ACOT1: variants seen among roughly 807,000 people sequenced by gnomAD.
ACOT1 encodes acyl-CoA thioesterase 1, also known as acyl-coenzyme A thioesterase 1.
In ACOT1, 8 loss-of-function variants were observed where a neutral mutation model predicts 15.7. The ratio of observed to expected loss-of-function variants is 0.51; its 90% CI spans 0.30 to 0.92. The LOEUF (loss-of-function observed/expected upper bound fraction) is 0.92, where lower values mean the gene tolerates loss of function less well. ACOT1 is among the 40% of genes least tolerant of loss of function. ACOT1 has a pLI of 0.06. For synonymous variants in ACOT1, 67 were observed against 241.2 expected, an observed-to-expected ratio of 0.28 and a Z score of 6.69; for missense variants, 151 against 539.4, an observed-to-expected ratio of 0.28 and a Z score of 7.13.
the ACOT1 span, among the ~76,000 whole-genome samples, chr14:73,523,423 T>C: frequency 6.6e-6 from 1 of 152,246 alleles, no homozygotes; most frequent in African/African-American, 2.4e-5. Flanking sequence ...TTGGTTCTTA[T>C]ACTTGTTCCC....
At chr14:73,492,603 G>A in the ACOT1 span, 1 of 1,613,812 alleles carries the variant, frequency 6.2e-7, no homozygotes, top group African/African-American at 1.3e-5. The surrounding 1 kb of genome is among the most constrained non-coding windows in gnomAD (Gnocchi z 4.9). Context: ...CTTCCAATTC[G>A]CTGGGAGGCT....
At chr14:73,527,350 A>T in the ACOT1 span, 1 of 152,112 alleles carries the variant, frequency 6.6e-6, no homozygotes, top group African/African-American at 2.4e-5. Context: ...GAGATATGTG[A>T]CCTTTCCAGA....
the ACOT1 span, among the ~76,000 whole-genome samples, chr14:73,505,428 G>T: frequency 1.3e-5 from 2 of 151,102 alleles, no homozygotes; most frequent in East Asian, 3.9e-4. Flanking sequence ...ACAGAGTCTC[G>T]CACTGTCGCC....
chr14:73,490,979 CCCGG>C, the ACOT1 span: 131 of 1,321,278 alleles, frequency 9.9e-5, 1 homozygote, highest in Non-Finnish European at 1.2e-4. Context: ...TAGCTTCGCC[CCCGG>C]CCGGCCGGGC....
the ACOT1 span, chr14:73,506,660 A>G: frequency 0.17 from 166,626 of 953,632 alleles, 18,075 homozygotes; most frequent in Non-Finnish European, 0.22. Context: ...GGCATCCTGC[A>G]TAATTAATGT....
chr14:73,511,209 C>T, the ACOT1 span, among the ~76,000 whole-genome samples: 265 of 152,062 alleles, frequency 1.7e-3, 1 homozygote, highest in African/African-American at 6.0e-3. Context: ...CAGCTAAGCC[C>T]GTGAATCATA....
At chr14:73,491,649 C>A in the ACOT1 span, 1 of 1,549,654 alleles carries the variant, frequency 6.5e-7, no homozygotes, top group South Asian at 1.2e-5. Flanking sequence ...TGGCTCATCG[C>A]GCCCATGCCG....
chr14:73,493,247 T>C, the ACOT1 span: 1 of 775,150 alleles, frequency 1.3e-6, no homozygotes, highest in Non-Finnish European at 2.2e-6. Context: ...GACCATGTCG[T>C]TCTGCTTGAG....
chr14:73,500,799 A>C, the ACOT1 span: 6 of 1,411,146 alleles, frequency 4.3e-6, no homozygotes, highest in East Asian at 2.3e-5. Flanking sequence ...ACCCCCACTA[A>C]TGCCCTCATG....
At chr14:73,492,743 G>A in the ACOT1 span, 1 of 1,613,984 alleles carries the variant, frequency 6.2e-7, no homozygotes, top group Non-Finnish European at 8.5e-7. The surrounding 1 kb of genome is among the most constrained non-coding windows in gnomAD (Gnocchi z 4.9). Flanking sequence ...AAACTCCCGT[G>A]TGTATCATCT....
At chr14:73,532,641 G>A (rs1247499706), upstream of ACOT1, among the ~76,000 whole-genome samples, 1 of 115,300 alleles carries the variant, frequency 8.7e-6, no homozygotes, top group Non-Finnish European at 1.9e-5. Context: ...AAGAGCGAGA[G>A]GGTACGTTTT....
At chr14:73,536,728 A>G (rs1470017416), upstream of ACOT1, among the ~76,000 whole-genome samples, 1 of 113,484 alleles carries the variant, frequency 8.8e-6, no homozygotes, top group African/African-American at 2.9e-5. Flanking sequence ...CTATTTTTAC[A>G]CCTGTAAGGA....
chr14:73,500,224 C>T, the ACOT1 span, among the ~76,000 whole-genome samples: 10 of 151,564 alleles, frequency 6.6e-5, no homozygotes, highest in South Asian at 2.1e-4. Flanking sequence ...AGCGAGACTC[C>T]GTCTCAAAAC....
the ACOT1 span, among the ~76,000 whole-genome samples, chr14:73,527,000 G>A: frequency 9.2e-5 from 14 of 152,114 alleles, no homozygotes; most frequent in African/African-American, 1.7e-4. Context: ...CTGGGTAACC[G>A]GGGAATTTTC....
the ACOT1 span, chr14:73,498,206 C>T: frequency 4.3e-6 from 7 of 1,614,044 alleles, no homozygotes; most frequent in Non-Finnish European, 5.9e-6. Flanking sequence ...GAAGGTGTCC[C>T]TGACCCGGTC....
chr14:73,493,988 T>G, the ACOT1 span, among the ~76,000 whole-genome samples: 1 of 152,230 alleles, frequency 6.6e-6, no homozygotes, highest in Non-Finnish European at 1.5e-5. Flanking sequence ...CATGGTATGT[T>G]TTTGCTCACT....
At chr14:73,493,324 G>A in the ACOT1 span, 3 of 549,836 alleles carry the variant, frequency 5.5e-6, no homozygotes, top group Admixed American at 7.0e-5. Flanking sequence ...GCGGGTCGGG[G>A]TCAGTATCCT....
At chr14:73,506,804 G>GTTTTTCTTTTTTTTTTT in the ACOT1 span, among the ~76,000 whole-genome samples, 1 of 80,522 alleles carries the variant, frequency 1.2e-5, no homozygotes, top group African/African-American at 4.9e-5. Context: ...GACTTTAACT[G>GTTTTTCTTTTTTTTTTT]TTTTTTTTTT....
chr14:73,514,433 G>A, the ACOT1 span, among the ~76,000 whole-genome samples: 1 of 152,252 alleles, frequency 6.6e-6, no homozygotes, highest in East Asian at 1.9e-4. Context: ...ACTAGACATG[G>A]TAAGCCATGA....
Sources: gnomAD v4.1 joint callset for allele counts (sites outside exome capture counted in the v4.1 genomes callset) on GRCh38, gnomAD v4.1.1 for gene constraint, Gnocchi (gnomAD v3.1) non-coding constraint, MANE v1.5 for transcripts, NCBI Gene and HGNC (gene_info 2026-07-23, HGNC 2026-07-21) for gene names.